Variants in GRIP1 observed in about 807,000 individuals in gnomAD.
The protein encoded by GRIP1 is glutamate receptor-interacting protein 1.
A neutral mutation model predicts 129.9 loss-of-function variants in GRIP1; 45 were observed. That is an observed-to-expected ratio of 0.35 (90% CI 0.27 to 0.44). The LOEUF (loss-of-function observed/expected upper bound fraction) is 0.44, where lower values mean the gene tolerates loss of function less well. Ranked by LOEUF, GRIP1 falls within the 20% of genes least tolerant of loss-of-function variation. The pLI, the probability that GRIP1 is intolerant of heterozygous loss-of-function variation, is 1.00. For missense variants in GRIP1, 1,196 were observed against 1,396.8 expected (o/e 0.86, Z 2.29); for synonymous variants, 530 against 520.8 (o/e 1.02, Z -0.24).
At chr12:67,068,458 G>A (rs891651606) in intron 1 of GRIP1, among the ~76,000 whole-genome samples, 1 of 151,980 alleles carries the variant, frequency 6.6e-6, no homozygotes, top group African/African-American at 2.4e-5. Flanking sequence ...CCTGATCGAG[G>A]GGACAATCTT....
chr12:66,718,813 T>C (rs907029263), intron 1 of GRIP1, among the ~76,000 whole-genome samples: 9 of 151,898 alleles, frequency 5.9e-5, no homozygotes, highest in Admixed American at 2.6e-4. Context: ...GATTATGCCA[T>C]TGCACTCCAG....
In GRIP1 at chr12:66,747,513, G is replaced by A. The variant is rs1250326727; in HGVS notation, c.-420+56540C>T. Among the ~76,000 whole-genome samples, 3 of 151,996 alleles carry A rather than the reference G, an allele frequency of 2.0e-5. No individual in the cohort carries two copies. The East Asian group carries it at 5.8e-4, about 29-fold the overall frequency. On this transcript the variant is annotated intron_variant, in intron 1 of 4. Transcript: ENST00000538373. ...CCTTCTGATTGGGATGAAAAACATA[G>A]GTAAAGCTTAAGAGAAAAATAAAAT... is the stretch of plus-strand genomic sequence containing the variant.
intron 9 of GRIP1, among the ~76,000 whole-genome samples, chr12:66,459,458 G>A (rs2059069644): frequency 6.6e-6 from 1 of 151,970 alleles, no homozygotes; most frequent in Non-Finnish European, 1.5e-5. Context: ...ATGCACTTCG[G>A]GATTCTACAC....
chr12:66,411,153 ACTG>A (rs1483998696), intron 15 of GRIP1, among the ~76,000 whole-genome samples: 2 of 152,084 alleles, frequency 1.3e-5, no homozygotes, highest in Non-Finnish European at 2.9e-5. Flanking sequence ...CGGCAGCCAG[ACTG>A]CTTTTTTAAG....
chr12:66,826,314 A>C (rs1473475904), intron 1 of GRIP1, among the ~76,000 whole-genome samples: 1 of 151,102 alleles, frequency 6.6e-6, no homozygotes, highest in African/African-American at 2.4e-5. Flanking sequence ...GGATGCGGGG[A>C]TAGGGGAGGG....
chr12:66,750,521 A>C (rs1241827019), intron 1 of GRIP1, among the ~76,000 whole-genome samples: 5 of 152,180 alleles, frequency 3.3e-5, no homozygotes, highest in Non-Finnish European at 4.4e-5. Context: ...CAAGGGGAGG[A>C]GGTCACAGGT....
intron 1 of GRIP1, among the ~76,000 whole-genome samples, chr12:67,004,077 T>A (rs1017300656): frequency 6.6e-6 from 1 of 152,210 alleles, no homozygotes; most frequent in Non-Finnish European, 1.5e-5. Context: ...GTGATGGCAT[T>A]TAGGGGCTTA....
chr12:66,595,940 A>G (rs77835214), intron 2 of GRIP1, among the ~76,000 whole-genome samples: 2,890 of 152,286 alleles, frequency 0.019, 103 homozygotes, highest in African/African-American at 0.066. Context: ...CCTTTCACTG[A>G]CACATTTGCC....
chr12:66,360,452 C>G (rs1340598450), intron 23 of GRIP1, among the ~76,000 whole-genome samples: 1 of 152,084 alleles, frequency 6.6e-6, no homozygotes, highest in Non-Finnish European at 1.5e-5. Flanking sequence ...AGAGGATGCC[C>G]CCGGAGAACC....
chr12:66,595,258 T>C (rs1011169978), intron 2 of GRIP1, among the ~76,000 whole-genome samples: 1 of 152,216 alleles, frequency 6.6e-6, no homozygotes, highest in Admixed American at 6.5e-5. Context: ...AAAAATAATG[T>C]GTGCCACAAA....
chr12:66,407,894 C>T (rs78083989), intron 15 of GRIP1, among the ~76,000 whole-genome samples: 2,498 of 152,222 alleles, frequency 0.016, 75 homozygotes, highest in African/African-American at 0.057. Context: ...CAACACCCCT[C>T]CCCTAGCCCT....
chr12:66,752,614 T>C (rs1261604131), intron 1 of GRIP1, among the ~76,000 whole-genome samples: 1 of 152,156 alleles, frequency 6.6e-6, no homozygotes, highest in Non-Finnish European at 1.5e-5. Flanking sequence ...GCCCCTTAGT[T>C]GCTGGTCAGT....
Position 66,449,188 on chromosome 12 carries a change from C to A in GRIP1, c.1355-3680G>T, listed in dbSNP as rs115902522. 3.8e-3 allele frequency among the ~76,000 whole-genome samples: 581 copies of A among 152,242 alleles called. 2 individuals carry two copies. Among genetic ancestry groups the A allele is most frequent in the African/African-American group, 0.013 (552 of 41,542 alleles). On this transcript the variant is annotated intron_variant, in intron 11 of 24. Coordinates refer to ENST00000359742, the MANE Select transcript of GRIP1 (RefSeq NM_001366722.1). Reference sequence around the variant, plus strand: ...ATATGCCTGTTTCTCTCCACCTGACCCTGAGTTTTTGAAAGGTTGGAACCA... The same window carrying A: ...ATATGCCTGTTTCTCTCCACCTGACACTGAGTTTTTGAAAGGTTGGAACCA...
At position 66,959,344 on chromosome 12, in the gene GRIP1, T is replaced by C. The variant is rs568035215; in HGVS notation, c.58+109706A>G. On this transcript the variant is annotated intron_variant, in intron 1 of 1. Coordinates refer to the GRIP1 transcript ENST00000643019. ...ACATTTTGCAATTTTGCACATGAAC[T>C]AAAAAATGTGTTTACTTTCACAGTT... 5.0e-4 allele frequency among the ~76,000 whole-genome samples: 76 copies of C among 152,262 alleles called. 1 individual carries two copies. Among genetic ancestry groups the C allele is most frequent in the African/African-American group, 1.7e-3 (71 of 41,570 alleles).
intron 7 of GRIP1, among the ~76,000 whole-genome samples, chr12:66,500,663 G>A (rs781600921): frequency 2.6e-5 from 4 of 152,146 alleles, no homozygotes; most frequent in Non-Finnish European, 5.9e-5. Context: ...GAGGTGATCT[G>A]TGTAATAGTC....
At chr12:66,383,274 G>A (rs2056199354) in intron 19 of GRIP1, among the ~76,000 whole-genome samples, 1 of 150,306 alleles carries the variant, frequency 6.7e-6, no homozygotes, top group African/African-American at 2.5e-5. Flanking sequence ...TCCAGCCTGG[G>A]CGACAGAGCG....
chr12:66,928,372 A>G lies in GRIP1; in HGVS notation c.58+140678T>C, dbSNP rs528607356. On this transcript the variant is annotated intron_variant, in intron 1 of 1. Coordinates refer to the GRIP1 transcript ENST00000643019. Reference sequence around the variant, plus strand: ...AAACAATATTTATCACAATTAATTTATAAGATTCTTTTCCCTCTCTCTAAC... The same window carrying G: ...AAACAATATTTATCACAATTAATTTGTAAGATTCTTTTCCCTCTCTCTAAC... Among the ~76,000 whole-genome samples, 32 of 152,360 alleles carry G rather than the reference A, an allele frequency of 2.1e-4. No homozygotes were observed. In the South Asian group the frequency reaches 6.0e-3, roughly 29 times the overall value.
rs537994899 is a variant in GRIP1 at position 67,066,389 on chromosome 12, T to C, written c.58+2661A>G. ...CAAAGAAGCTAGCATCTTGTATTAA[T>C]TTGCGTTACATCTCAAGAAGAGATT... On this transcript the variant is annotated intron_variant, in intron 1 of 1. Coordinates refer to the GRIP1 transcript ENST00000643019. Among the ~76,000 whole-genome samples the C allele has an allele frequency of 6.6e-5, 10 of 152,312 alleles. 1 individual carries two copies. In the South Asian group the frequency reaches 1.9e-3, roughly 28 times the overall value.
chr12:67,051,576 G>A (rs2043347035), intron 1 of GRIP1, among the ~76,000 whole-genome samples: 1 of 152,158 alleles, frequency 6.6e-6, no homozygotes, highest in South Asian at 2.1e-4. Context: ...ATTTTGTGTT[G>A]AAAGATTCAG....
Sources: allele counts gnomAD v4.1 joint callset (sites outside exome capture counted in the v4.1 genomes callset), GRCh38; gene constraint gnomAD v4.1.1; transcripts MANE v1.5; gene names NCBI Gene and HGNC (gene_info 2026-07-23, HGNC 2026-07-21).